The following MYZAP variants were observed in gnomAD, a reference collection of about 807,000 sequenced individuals.
MYZAP encodes myocardial zonula adherens protein, also known as GRINL1A complex locus upstream.
MYZAP carries 66 observed loss-of-function variants against 69.4 expected under a neutral mutation model. The observed-to-expected ratio is 0.95, with a 90% CI of 0.78 to 1.17. The LOEUF (loss-of-function observed/expected upper bound fraction) is 1.17. Among genes scored for constraint, MYZAP ranks in the 50% most tolerant of loss-of-function variants. The pLI is 0.00. For synonymous variants in MYZAP, 256 were observed against 205.9 expected (o/e 1.24, Z -2.09); for missense variants, 611 against 556.2 (o/e 1.10, Z -0.99).
chr15:57,616,023 C>G (rs1053489161), intron 2 of MYZAP, among the ~76,000 whole-genome samples: 6 of 152,226 alleles, frequency 3.9e-5, no homozygotes, highest in African/African-American at 1.2e-4. Flanking sequence ...ACCCTGATCT[C>G]TAGCGCCCCT....
chr15:57,632,449 G>T lies in MYZAP; in HGVS notation c.694G>T (p.Glu232Ter), dbSNP rs1243067896. The T allele has an allele frequency of 2.5e-6, 4 of 1,614,064 alleles. No individual in the cohort carries two copies. The highest frequency in any genetic ancestry group is 3.4e-6 in the Non-Finnish European group (4 of 1,180,032). The change falls in exon 7 of 13, where the codon GAA (glutamate) becomes TAA (stop). Residue 232 changes from glutamate (E) to a stop codon, truncating the protein, a stop_gained. Coordinates refer to ENST00000267853, the MANE Select transcript of MYZAP (RefSeq NM_001018100.5). LOFTEE classifies it high-confidence loss of function. The part of the protein sequence containing the change: ...LLKMKVESSQ[E>*]ANAEVMREMT... Reference sequence around the variant, plus strand: ...CTCGTTGTAGGTGGAATCGTCCCAAGAAGCCAATGCTGAGGTGATGCGAGA... The same window carrying T: ...CTCGTTGTAGGTGGAATCGTCCCAATAAGCCAATGCTGAGGTGATGCGAGA...
rs763856721 is a variant in MYZAP at position 57,616,822 on chromosome 15, C to CTTTTTTTTTTTTTTTT, written c.163-1201_163-1186dup. Among the ~76,000 whole-genome samples, 267 of 50,060 alleles carry CTTTTTTTTTTTTTTTT rather than the reference C, an allele frequency of 5.3e-3. 37 individuals carry two copies. Among genetic ancestry groups the CTTTTTTTTTTTTTTTT allele is most frequent in the African/African-American group, 0.018 (231 of 12,620 alleles). 32.8% of individuals were successfully genotyped at this position (50,060 alleles called of 152,430 possible). On this transcript the variant is annotated intron_variant, in intron 2 of 12. Coordinates refer to ENST00000267853, the MANE Select transcript of MYZAP (RefSeq NM_001018100.5). ...GAGACTCCATCTAAAAAAAAAAGTG[C>CTTTTTTTTTTTTTTTT]TTTTTTTTTTTTTTTTTTTTTTTTT...
At chr15:57,660,244 A>G (rs535833234) in intron 10 of MYZAP, among the ~76,000 whole-genome samples, 16 of 152,244 alleles carry the variant, frequency 1.1e-4, no homozygotes, top group African/African-American at 3.9e-4. Context: ...GGGTTAATGC[A>G]TATGTACTTT....
intron 10 of MYZAP, among the ~76,000 whole-genome samples, chr15:57,644,734 G>A (rs1164050748): frequency 6.6e-6 from 1 of 152,152 alleles, no homozygotes; most frequent in African/African-American, 2.4e-5. Context: ...TCAGAGTGTT[G>A]GGATTACAGG....
At chr15:57,673,459 C>T (rs1425052625) in intron 11 of MYZAP, among the ~76,000 whole-genome samples, 3 of 122,044 alleles carry the variant, frequency 2.5e-5, no homozygotes, top group African/African-American at 6.2e-5. Context: ...CGCATGCGTG[C>T]ATGCGTGTGT....
chr15:57,650,962 G>A (rs769555209), intron 10 of MYZAP, among the ~76,000 whole-genome samples: 12 of 152,210 alleles, frequency 7.9e-5, no homozygotes, highest in Non-Finnish European at 1.2e-4. Context: ...TGGTTTATTA[G>A]CACCAAGCCA....
intron 11 of MYZAP, among the ~76,000 whole-genome samples, chr15:57,670,300 A>G (rs1308539371): frequency 2.0e-5 from 3 of 151,958 alleles, no homozygotes; most frequent in Admixed American, 2.0e-4. Context: ...CATTTTTGTT[A>G]TGTCTTGATG....
chr15:57,598,711 A>T (rs2034223182), intron 1 of MYZAP, among the ~76,000 whole-genome samples: 1 of 152,184 alleles, frequency 6.6e-6, no homozygotes, highest in Non-Finnish European at 1.5e-5. Context: ...ATGCATTTGT[A>T]GATTGATAGT....
At chr15:57,664,848 C>T (rs1385574529) in intron 11 of MYZAP, among the ~76,000 whole-genome samples, 2 of 152,144 alleles carry the variant, frequency 1.3e-5, no homozygotes, top group African/African-American at 4.8e-5. Flanking sequence ...AATTAACTGT[C>T]CTATGCCTTA....
At chr15:57,618,498 C>T (rs1468596912) in intron 3 of MYZAP, among the ~76,000 whole-genome samples, 1 of 152,050 alleles carries the variant, frequency 6.6e-6, no homozygotes, top group African/African-American at 2.4e-5. Context: ...ATTGCACTTA[C>T]CAGTCCCACA....
intron 8 of MYZAP, among the ~76,000 whole-genome samples, chr15:57,634,818 T>C (rs1347404253): frequency 2.0e-5 from 3 of 152,206 alleles, no homozygotes; most frequent in Admixed American, 1.3e-4. Flanking sequence ...CAGAATCCCA[T>C]CTTTTATTGA....
intron 2 of MYZAP, among the ~76,000 whole-genome samples, 182 bp downstream of exon 2, chr15:57,604,537 C>T (rs2034621698): frequency 6.6e-6 from 1 of 152,152 alleles, no homozygotes; most frequent in African/African-American, 2.4e-5. Flanking sequence ...CTCTCCCTAG[C>T]CGGCTCTGCC....
intron 1 of MYZAP, among the ~76,000 whole-genome samples, chr15:57,598,575 A>G (rs2034213561): frequency 6.6e-6 from 1 of 152,198 alleles, no homozygotes; most frequent in Non-Finnish European, 1.5e-5. Flanking sequence ...TGCATGGAAC[A>G]CTGGAGGCAC....
intron 9 of MYZAP, 141 bp from the exon 10 acceptor site, chr15:57,639,299 G>T: frequency 2.4e-6 from 2 of 831,138 alleles, no homozygotes; most frequent in Non-Finnish European, 1.9e-6. Flanking sequence ...CTCCTGCCTT[G>T]GCCTCTTGAA....
chr15:57,663,973 CATA>C (rs1436289978), intron 11 of MYZAP, among the ~76,000 whole-genome samples: 1 of 151,870 alleles, frequency 6.6e-6, no homozygotes, highest in African/African-American at 2.4e-5. Flanking sequence ...AAAAAAGTTG[CATA>C]ATAACAAGAT....
At chr15:57,654,877 G>A (rs1268721340) in intron 10 of MYZAP, among the ~76,000 whole-genome samples, 1 of 151,676 alleles carries the variant, frequency 6.6e-6, no homozygotes. Context: ...ATATTGGGGG[G>A]ACTTTTTTTT....
At position 57,592,031 on chromosome 15, in the gene MYZAP, C is replaced by T; in HGVS notation, c.-4C>T. 1.4e-6 allele frequency: 2 copies of T among 1,435,296 alleles called. No homozygotes were observed. Among genetic ancestry groups the T allele is most frequent in the Non-Finnish European group, 9.1e-7 (1 of 1,098,632 alleles). The allele number at this position is 1,435,296 out of a possible 1,614,324, so 88.9% of individuals were successfully genotyped here. A position where few individuals can be genotyped will look rare whatever the true frequency, so the allele number is the denominator to read the frequency against. ...TCCAGCCCGCTACCGACCGCCGCTG[C>T]GGGATGCTGCGCTCCACGTCCACGG... On this transcript the variant is annotated 5_prime_UTR_variant, in exon 1 of 13. Transcript: ENST00000267853.
chr15:57,667,255 A>G (rs2038622205), intron 11 of MYZAP, among the ~76,000 whole-genome samples: 1 of 152,226 alleles, frequency 6.6e-6, no homozygotes, highest in Admixed American at 6.5e-5. Flanking sequence ...ACACACATTC[A>G]GTGTATGTGC....
chr15:57,675,624 G>A lies in MYZAP; in HGVS notation c.1304+556G>A, dbSNP rs144393828. 3.8e-4 allele frequency among the ~76,000 whole-genome samples: 58 copies of A among 152,212 alleles called. 1 individual carries two copies. The highest frequency in any genetic ancestry group is 2.9e-3 in the East Asian group (15 of 5,176). The stretch of plus-strand genomic sequence containing the variant: ...AAATACCTGATCTGCTTGAGTCATC[G>A]GCAGATATGTGATAACTATAACCTG... On this transcript the variant is annotated intron_variant, in intron 12 of 12. Coordinates refer to ENST00000267853, the MANE Select transcript of MYZAP (RefSeq NM_001018100.5).
Sources: gnomAD v4.1 joint callset for allele counts (sites outside exome capture counted in the v4.1 genomes callset) on GRCh38, gnomAD v4.1.1 for gene constraint, MANE v1.5 for transcripts, NCBI Gene and HGNC (gene_info 2026-07-23, HGNC 2026-07-21) for gene names.